ILDR1: variants seen among roughly 807,000 people sequenced by gnomAD.
ILDR1 encodes the protein immunoglobulin-like domain-containing receptor 1.
A neutral mutation model predicts 62.4 loss-of-function variants in ILDR1; 56 were observed. The observed-to-expected ratio is 0.90, with a 90% confidence interval of 0.72 to 1.12. The LOEUF is 1.12. Among genes scored for constraint, ILDR1 ranks in the 50% most tolerant of loss-of-function variants. The pLI, the probability that ILDR1 is intolerant of heterozygous loss-of-function variation, is 0.00. For missense variants in ILDR1, 736 were observed against 710.6 expected (o/e 1.04, Z -0.41); for synonymous variants, 284 against 277.8 (o/e 1.02, Z -0.22).
At chr3:122,007,326 G>A (rs2071630254) in intron 1 of ILDR1, 165 bp from the exon 2 acceptor site, 2 of 1,512,022 alleles carry the variant, frequency 1.3e-6, no homozygotes, top group African/African-American at 2.8e-5. Context: ...CTATGGGTGG[G>A]GTGGGGTGAG....
chr3:122,037,486 C>T, the ILDR1 span, among the ~76,000 whole-genome samples: 1 of 152,162 alleles, frequency 6.6e-6, no homozygotes, highest in African/African-American at 2.4e-5. Context: ...TTTCATGGGG[C>T]CTGTAGCCTC....
intron 5 of ILDR1, among the ~76,000 whole-genome samples, chr3:121,996,061 A>T (rs4974399): frequency 2.0e-5 from 3 of 151,956 alleles, no homozygotes; most frequent in African/African-American, 7.3e-5. Flanking sequence ...TTCAAAGTCC[A>T]CTCCAGACTA....
chr3:122,001,267 C>T (rs1368592655), intron 5 of ILDR1, 41 bp downstream of exon 5: 4 of 1,612,552 alleles, frequency 2.5e-6, no homozygotes, highest in Non-Finnish European at 3.4e-6. Flanking sequence ...CGTCCTGGTC[C>T]CTAATCCACT....
intron 5 of ILDR1, among the ~76,000 whole-genome samples, chr3:121,994,948 G>C (rs2071414729): frequency 6.6e-6 from 1 of 152,164 alleles, no homozygotes; most frequent in Non-Finnish European, 1.5e-5. Context: ...GCCTTATTAA[G>C]TATTGAGATT....
chr3:122,049,417 C>A, the ILDR1 span, among the ~76,000 whole-genome samples: 1 of 152,164 alleles, frequency 6.6e-6, no homozygotes, highest in African/African-American at 2.4e-5. Flanking sequence ...GATCAAGCCC[C>A]TTGTTAACTA....
At chr3:122,040,733 A>G in the ILDR1 span, among the ~76,000 whole-genome samples, 1 of 122,408 alleles carries the variant, frequency 8.2e-6, no homozygotes, top group African/African-American at 3.5e-5. Flanking sequence ...CAAAAAAAAA[A>G]AAAGAAAAAA....
the ILDR1 span, among the ~76,000 whole-genome samples, chr3:122,028,582 C>T: frequency 2.0e-5 from 3 of 152,086 alleles, no homozygotes; most frequent in Non-Finnish European, 4.4e-5. Flanking sequence ...ATATAAAGAA[C>T]TCCTTAAAAA....
chr3:122,028,261 G>A, the ILDR1 span, among the ~76,000 whole-genome samples: 153 of 149,708 alleles, frequency 1.0e-3, no homozygotes, highest in African/African-American at 3.5e-3. Flanking sequence ...GCGTGAACCC[G>A]GGAGGTGGAG....
intron 1 of ILDR1, 105 bp from the exon 2 acceptor site, chr3:122,007,266 C>T (rs748252746): frequency 3.8e-5 from 59 of 1,566,236 alleles, no homozygotes; most frequent in Non-Finnish European, 4.8e-5. Flanking sequence ...CCTGCCTGAC[C>T]TGGCTAGGAG....
chr3:121,994,111 G>T (rs1376162695), intron 6 of ILDR1, 71 bp downstream of exon 6: 13 of 1,523,210 alleles, frequency 8.5e-6, no homozygotes, highest in Non-Finnish European at 1.1e-5. Context: ...GGTCACAGAG[G>T]TCTTGATGTA....
chr3:122,035,031 A>C, the ILDR1 span, among the ~76,000 whole-genome samples: 27 of 152,246 alleles, frequency 1.8e-4, no homozygotes, highest in African/African-American at 6.3e-4. Flanking sequence ...ATCAAATCCC[A>C]CTAGGAGCTC....
At chr3:122,010,493 G>C (rs2071688143) in intron 1 of ILDR1, among the ~76,000 whole-genome samples, 1 of 152,188 alleles carries the variant, frequency 6.6e-6, no homozygotes, top group South Asian at 2.1e-4. Context: ...TAGAGTCCCA[G>C]AAATCAGGCC....
chr3:122,035,672 C>T, the ILDR1 span, among the ~76,000 whole-genome samples: 2 of 152,302 alleles, frequency 1.3e-5, no homozygotes, highest in East Asian at 3.9e-4. Context: ...CTTGCTTCCC[C>T]TTTGCCTTCC....
At chr3:122,030,623 T>TTTTCTC in the ILDR1 span, among the ~76,000 whole-genome samples, 647 of 147,630 alleles carry the variant, frequency 4.4e-3, 6 homozygotes, top group African/African-American at 0.014. Context: ...GCAAGGGTTT[T>TTTTCTC]TCTCTCTCTC....
intron 7 of ILDR1, among the ~76,000 whole-genome samples, chr3:121,989,484 T>C (rs1356643783): frequency 6.6e-6 from 1 of 152,234 alleles, no homozygotes. Context: ...AGTGGTTTTC[T>C]CTTGTATTAG....
the ILDR1 span, among the ~76,000 whole-genome samples, chr3:122,034,960 G>T: frequency 6.6e-6 from 1 of 152,184 alleles, no homozygotes; most frequent in Non-Finnish European, 1.5e-5. Context: ...CTCCCACTGG[G>T]TCCCTCCCAC....
rs139351009 is a variant in ILDR1 at position 122,011,543 on chromosome 3, C to T, written c.59-4382G>A. On this transcript the variant is annotated intron_variant, in intron 1 of 7. Coordinates refer to ENST00000344209, the MANE Select transcript of ILDR1 (RefSeq NM_001199799.2). Reference sequence around the variant, plus strand: ...ATCAAGCCTTGATATCTGCCAGGTTCAACAAGTTCTGGCCATCTTGAGCTC... The same window carrying T: ...ATCAAGCCTTGATATCTGCCAGGTTTAACAAGTTCTGGCCATCTTGAGCTC... 2.0e-5 allele frequency among the ~76,000 whole-genome samples: 3 copies of T among 152,104 alleles called. No homozygotes were observed. The East Asian group carries it at 5.8e-4, about 29-fold the overall frequency.
the ILDR1 span, among the ~76,000 whole-genome samples, chr3:122,048,070 A>T: frequency 6.6e-6 from 1 of 152,230 alleles, no homozygotes; most frequent in Non-Finnish European, 1.5e-5. Context: ...ATTAAGTGTG[A>T]TGCTAGCAGT....
At chr3:122,024,091 G>A (rs1289049822), upstream of ILDR1, among the ~76,000 whole-genome samples, 1 of 151,240 alleles carries the variant, frequency 6.6e-6, no homozygotes, top group Non-Finnish European at 1.5e-5. Flanking sequence ...TTTCTCCCAT[G>A]TTTGTTCCGT....
Sources: gnomAD v4.1 joint callset for allele counts (sites outside exome capture counted in the v4.1 genomes callset) on GRCh38, gnomAD v4.1.1 for gene constraint, MANE v1.5 for transcripts, NCBI Gene and HGNC (gene_info 2026-07-23, HGNC 2026-07-21) for gene names.